The following HIP1R variants were observed in gnomAD, a reference collection of about 807,000 sequenced individuals.
HIP1R encodes huntingtin interacting protein 1 related.
Under a neutral mutation model 144.2 loss-of-function variants are expected in HIP1R, and 135 were observed. That is an observed-to-expected ratio of 0.94 (90% confidence interval 0.81 to 1.08). HIP1R has a LOEUF of 1.08. Among genes scored for constraint, HIP1R ranks in the 50% least tolerant of loss-of-function variants. The pLI is 0.00. For missense variants in HIP1R, 1,462 were observed against 1,432.8 expected (o/e 1.02, Z -0.33); for synonymous variants, 698 against 612.8 (o/e 1.14, Z -2.05).
chr12:122,860,630 C>G, intron 27 of HIP1R, 49 bp from the exon 28 acceptor site: 18 of 1,577,590 alleles, frequency 1.1e-5, no homozygotes, highest in Non-Finnish European at 1.3e-5. Context: ...GTGGTGCCAG[C>G]CGTCCGTGGG....
intron 17 of HIP1R, 45 bp downstream of exon 17, chr12:122,856,771 C>T: frequency 6.8e-7 from 1 of 1,473,162 alleles, no homozygotes; most frequent in Non-Finnish European, 9.3e-7. Context: ...TGGGGCCAGT[C>T]CTGGGTGGAA....
Position 122,856,289 on chromosome 12 carries a change from A to C in HIP1R, c.1346A>C (p.Lys449Thr). Reference sequence around the variant, plus strand: ...AGTGCCACGGAGGCGCGCTACAACAAGCTGAAGGAAAAGCACAGTGAGCTC... The same window carrying C: ...AGTGCCACGGAGGCGCGCTACAACACGCTGAAGGAAAAGCACAGTGAGCTC... ...KASATEARYN[K>T]LKEKHSELVH... is the part of the protein sequence containing the mutation. Residue 449 changes from lysine (K) to threonine (T), a missense_variant, in exon 15 of 32, where the codon AAG (lysine) becomes ACG (threonine). Transcript: ENST00000253083. 6.2e-7 allele frequency: 1 copy of C among 1,613,848 alleles called. No homozygotes were observed. Among genetic ancestry groups the C allele is most frequent in the Non-Finnish European group, 8.5e-7 (1 of 1,179,978 alleles).
chr12:122,860,629 G>T, intron 27 of HIP1R, 50 bp from the exon 28 acceptor site: 1 of 1,580,390 alleles, frequency 6.3e-7, no homozygotes, highest in Non-Finnish European at 8.7e-7. Flanking sequence ...AGTGGTGCCA[G>T]CCGTCCGTGG....
chr12:122,854,192 C>T lies in HIP1R; in HGVS notation c.718+9C>T, dbSNP rs1304217575. ...GTTCAAGCTACACTCTTGTGAGTGGCCCAGGGCAACCCCTGGCCCGGAAGG... is the reference window on the plus strand; with the variant it reads ...GTTCAAGCTACACTCTTGTGAGTGGTCCAGGGCAACCCCTGGCCCGGAAGG... On this transcript the variant is annotated intron_variant, in intron 8 of 31. Transcript: ENST00000253083. The T allele has an allele frequency of 1.9e-6, 3 of 1,610,446 alleles. No individual in the cohort carries two copies. The South Asian group carries it at 3.3e-5, about 18-fold the overall frequency.
In HIP1R at chr12:122,851,262, A is replaced by G; in HGVS notation, c.542A>G (p.Asp181Gly). Residue 181 changes from aspartate to glycine, a missense_variant, in exon 7 of 32, where the codon GAT becomes GGT. Asp to Gly is a moderately conservative substitution (Grantham distance 94). Transcript: ENST00000253083. ...NIFQLTVEMFDYMDCELKLSE... is the reference protein window; with the variant it reads ...NIFQLTVEMFGYMDCELKLSE... ...TTCCAGCTCACTGTGGAGATGTTTGATTACATGGATTGTGAGCTGAAGCTT... is the reference window on the plus strand; with the variant it reads ...TTCCAGCTCACTGTGGAGATGTTTGGTTACATGGATTGTGAGCTGAAGCTT... 1 of 1,552,114 alleles carries G rather than the reference A, an allele frequency of 6.4e-7. No homozygotes were observed. The highest frequency in any genetic ancestry group is 1.4e-5 in the African/African-American group (1 of 71,040).
At position 122,861,856 on chromosome 12, in the gene HIP1R, C is replaced by G. The variant is rs1259895416; in HGVS notation, c.*103C>G. 2.9e-6 allele frequency: 3 copies of G among 1,050,486 alleles called. No individual in the cohort carries two copies. In the African/African-American group the frequency reaches 4.7e-5, roughly 17 times the overall value. 65.1% of individuals were successfully genotyped at this position (1,050,486 alleles called of 1,614,324 possible). On this transcript the variant is annotated 3_prime_UTR_variant, in exon 32 of 32. Transcript: ENST00000253083. ...GCCCCTCCACCTGGTGCCCAAGCCT[C>G]CCGCCCCACCGTCTGGATCAATGTC...
rs765219550 is a variant in HIP1R at position 122,861,198 on chromosome 12, C to T, written c.2952+6C>T. 4.2e-5 allele frequency: 63 copies of T among 1,515,250 alleles called. No individual in the cohort carries two copies. The highest frequency in any genetic ancestry group is 5.2e-5 in the Non-Finnish European group (59 of 1,130,594). The allele number at this position is 1,515,250 out of a possible 1,614,324, so 93.9% of individuals were successfully genotyped here. On this transcript the variant is annotated splice_donor_region_variant and intron_variant, in intron 30 of 31. Transcript: ENST00000253083. ...AGCAGGAGATGGAGACCCAGGTAGG[C>T]GCCCATGGCTGCCCCGTGACCTCTG...
Position 122,856,699 on chromosome 12 carries a change from G to T in HIP1R, c.1593G>T (p.Ala531=). The T allele has an allele frequency of 6.3e-7, 1 of 1,587,324 alleles. No individual in the cohort carries two copies. Among genetic ancestry groups the T allele is most frequent in the Non-Finnish European group, 8.6e-7 (1 of 1,167,394 alleles). Residue 531 remains alanine, a synonymous_variant, in exon 17 of 32, where the codon GCG becomes GCT. Transcript: ENST00000253083. ...CCAAGGCCGGAGAGCTGGCCCGCGC[G>T]CAGGAGGCCCTGAGCCACACAGAGC... ...LEAKAGELAR[A]QEALSHTEQS...
chr12:122,861,471 C>A lies in HIP1R; in HGVS notation c.3116C>A (p.Pro1039His). The A allele has an allele frequency of 6.2e-7, 1 of 1,613,476 alleles. No individual in the cohort carries two copies. Among genetic ancestry groups the A allele is most frequent in the Admixed American group, 1.7e-5 (1 of 60,014 alleles). Reference protein sequence around the residue: ...APRSVTTKKPPLAQKPSVAPR... With the variant: ...APRSVTTKKPHLAQKPSVAPR... ...CGAAGTGTAACCACCAAGAAACCACCCCTGGCCCAGAAGCCCAGCGTGGCC... is the reference window on the plus strand; with the variant it reads ...CGAAGTGTAACCACCAAGAAACCACACCTGGCCCAGAAGCCCAGCGTGGCC... The change falls in exon 31 of 32, where the codon CCC becomes CAC. Residue 1039 changes from proline (P) to histidine (H), a missense_variant. Pro to His is a moderately conservative substitution (Grantham distance 77, BLOSUM62 -2). Transcript: ENST00000253083.
intron 1 of HIP1R, among the ~76,000 whole-genome samples, chr12:122,846,309 C>T (rs890351192): frequency 9.9e-5 from 15 of 152,218 alleles, no homozygotes; most frequent in African/African-American, 3.6e-4. Flanking sequence ...ATTAGCTGTA[C>T]AGACAAGTAT....
rs1318162088 is a variant in HIP1R, at chr12:122,858,326, C to T, written c.1964-23C>T. 10 of 1,600,322 alleles carry T rather than the reference C, an allele frequency of 6.2e-6. No homozygotes were observed. The African/African-American group carries it at 8.0e-5, about 13-fold the overall frequency. ...GCCCTGAGCAGCGGGTGGCAGGGGC[C>T]TCAGTTCTCCTCGTGCTTGCAGACT... is the stretch of plus-strand genomic sequence containing the variant. On this transcript the variant is annotated intron_variant, in intron 19 of 31. Transcript: ENST00000253083.
chr12:122,857,596 G>A (rs2033627340), intron 18 of HIP1R: 1 of 405,056 alleles, frequency 2.5e-6, no homozygotes, highest in Non-Finnish European at 4.7e-6. Context: ...GATAGCTGAT[G>A]TGTGTGGAAC....
At chr12:122,861,592 C>T (rs1210201414) in intron 31 of HIP1R, 78 bp downstream of exon 31, 96 of 1,572,702 alleles carry the variant, frequency 6.1e-5, no homozygotes, top group Non-Finnish European at 9.5e-6. Context: ...TGGTGCACGT[C>T]CCTGGGGAAG....
chr12:122,858,421 T>C lies in HIP1R; in HGVS notation c.2036T>C (p.Leu679Pro). ...STLEEGHAQY[L>P]TSLADASALV... ...CTGGAGGAGGGCCACGCCCAGTACCTGACCTCCTTGGCAGGTGAGTGTAGC... is the reference window on the plus strand; with the variant it reads ...CTGGAGGAGGGCCACGCCCAGTACCCGACCTCCTTGGCAGGTGAGTGTAGC... The change falls in exon 20 of 32, where the codon CTG (leucine) becomes CCG (proline). Residue 679 changes from leucine to proline, a missense_variant. Coordinates refer to ENST00000253083, the MANE Select transcript of HIP1R (RefSeq NM_003959.3). 1 of 1,606,916 alleles carries C rather than the reference T, an allele frequency of 6.2e-7. No homozygotes were observed. The highest frequency in any genetic ancestry group is 1.1e-5 in the South Asian group (1 of 90,574).
chr12:122,850,249 TC>T (rs2135652333), intron 5 of HIP1R: 1 of 570,498 alleles, frequency 1.8e-6, no homozygotes, highest in East Asian at 4.0e-5. Context: ...GCTCCCCTCC[TC>T]CCAACCCCTC....
chr12:122,841,890 G>C (rs542086455), intron 1 of HIP1R, among the ~76,000 whole-genome samples: 78 of 152,286 alleles, frequency 5.1e-4, no homozygotes, highest in African/African-American at 1.8e-3. Context: ...GGGCTCTCAT[G>C]CTCCCCTCGG....
At chr12:122,860,007 T>C in intron 24 of HIP1R, 40 bp from the exon 25 acceptor site, 3 of 1,538,590 alleles carry the variant, frequency 1.9e-6, no homozygotes, top group Non-Finnish European at 2.6e-6. Context: ...TGTGGGCTGC[T>C]CTGCAGAGCG....
At chr12:122,850,305 A>G (rs950582454) in intron 5 of HIP1R, 16 of 473,898 alleles carry the variant, frequency 3.4e-5, no homozygotes, top group Admixed American at 7.4e-5. Flanking sequence ...GGGTCTGCCA[A>G]GAGCAGGGTC....
In HIP1R at chr12:122,861,369, G is replaced by A. The variant is rs564135107; in HGVS notation, c.3014G>A (p.Arg1005Gln). Residue 1005 changes from arginine (R) to glutamine (Q), a missense_variant, in exon 31 of 32, where the codon CGG (arginine) becomes CAG (glutamine). By Grantham distance (43) the Arg-to-Gln change is conservative. Coordinates refer to ENST00000253083, the MANE Select transcript of HIP1R (RefSeq NM_003959.3). ...GAACGCATGCGGCTGGGGGAGTTGC[G>A]GAAGCAACACTACGTGCTGGCTGGG... is the stretch of plus-strand genomic sequence containing the variant. Reference protein sequence around the residue: ...EAERMRLGELRKQHYVLAGAS... With the variant: ...EAERMRLGELQKQHYVLAGAS... 1.7e-5 allele frequency: 27 copies of A among 1,613,582 alleles called. No individual in the cohort carries two copies. The highest frequency in any genetic ancestry group is 3.3e-4 in the Middle Eastern group (2 of 6,060).
Sources: allele counts gnomAD v4.1 joint callset (sites outside exome capture counted in the v4.1 genomes callset), GRCh38; gene constraint gnomAD v4.1.1; transcripts MANE v1.5; gene names NCBI Gene and HGNC (gene_info 2026-07-23, HGNC 2026-07-21).